The following CENPP variants were observed in gnomAD, a reference collection of about 807,000 sequenced individuals.
CENPP encodes the protein centromere protein P.
A neutral mutation model predicts 35.6 loss-of-function variants in CENPP; 24 were observed. The ratio of observed to expected loss-of-function variants is 0.67; its 90% CI spans 0.49 to 0.95. CENPP has a LOEUF of 0.95. CENPP is among the 40% of genes least tolerant of loss of function. The pLI is 0.00. For synonymous variants in CENPP, 120 were observed against 125.5 expected, an observed-to-expected ratio of 0.96 and a Z score of 0.29; for missense variants, 332 against 345.3, an observed-to-expected ratio of 0.96 and a Z score of 0.31.
chr9:92,589,319 C>T (rs893124491), intron 5 of CENPP, among the ~76,000 whole-genome samples: 8 of 151,328 alleles, frequency 5.3e-5, no homozygotes, highest in African/African-American at 1.9e-4. Flanking sequence ...GCACTCCAGC[C>T]TGGGAGACAG....
At chr9:92,403,189 A>T in intron 5 of CENPP, 1 of 1,316,756 alleles carries the variant, frequency 7.6e-7, no homozygotes, top group African/African-American at 1.5e-5. Context: ...ATGCATTTAA[A>T]TGGGCAGTAT....
chr9:92,362,218 T>TA (rs917795861), intron 4 of CENPP, among the ~76,000 whole-genome samples: 60 of 146,786 alleles, frequency 4.1e-4, no homozygotes, highest in African/African-American at 9.9e-4. Flanking sequence ...TTCAAAAAGT[T>TA]AAAAAAAAAA....
At chr9:92,422,194 GC>G (rs1843825493) in intron 5 of CENPP, among the ~76,000 whole-genome samples, 1 of 151,998 alleles carries the variant, frequency 6.6e-6, no homozygotes, top group Non-Finnish European at 1.5e-5. Context: ...GGGATTACAG[GC>G]GTGCACCACC....
chr9:92,337,623 A>G lies in CENPP; in HGVS notation c.372A>G (p.Glu124=). The G allele has an allele frequency of 6.4e-7, 1 of 1,567,268 alleles. No individual in the cohort carries two copies. Among genetic ancestry groups the G allele is most frequent in the Non-Finnish European group, 8.8e-7 (1 of 1,137,514 alleles). Residue 124 remains glutamate (E), a synonymous_variant, in exon 3 of 8, where the codon GAA becomes GAG. Coordinates refer to ENST00000375587, the MANE Select transcript of CENPP (RefSeq NM_001012267.3). ...TTCAACTTGAATTTCAGATTCTGGAAATTCAGGTAAATTAAGAAGCATGTT... is the reference window on the plus strand; with the variant it reads ...TTCAACTTGAATTTCAGATTCTGGAGATTCAGGTAAATTAAGAAGCATGTT... ...VTFQLEFQIL[E]IQNKERLSSA...
At chr9:92,561,061 G>A (rs1198653012) in intron 5 of CENPP, among the ~76,000 whole-genome samples, 1 of 151,808 alleles carries the variant, frequency 6.6e-6, no homozygotes, top group Non-Finnish European at 1.5e-5. Context: ...TCTCCCTCAT[G>A]ATCTGCTTCA....
At position 92,618,310 on chromosome 9, in the gene CENPP, C is replaced by T. The variant is rs1206139206; in HGVS notation, c.*5161C>T. On this transcript the variant is annotated 3_prime_UTR_variant, in exon 8 of 8. Transcript: ENST00000375587. ...TTCAGGACATGCCCTCCCCTCCCCT[C>T]CTAGTGTCGTTTCTGCTGAGCAGCT... is the stretch of plus-strand genomic sequence containing the variant. 3 of 456,646 alleles carry T rather than the reference C, an allele frequency of 6.6e-6. No homozygotes were observed. The highest frequency in any genetic ancestry group is 4.0e-5 in the African/African-American group (2 of 50,068). 28.3% of individuals were successfully genotyped at this position (456,646 alleles called of 1,614,324 possible).
At position 92,496,104 on chromosome 9, in the gene CENPP, T is replaced by C; in HGVS notation, c.565-115210T>C. The C allele has an allele frequency of 3.4e-6, 4 of 1,185,860 alleles. No homozygotes were observed. The South Asian group carries it at 8.0e-5, about 24-fold the overall frequency. The allele number at this position is 1,185,860 out of a possible 1,614,324, so 73.5% of individuals were successfully genotyped here. A position where few individuals can be genotyped will look rare whatever the true frequency, so the allele number is the denominator to read the frequency against. ...TGGCCTCTTTCTAGAGGTAGGAAAC[T>C]GAGAGATTTTACCTTTACTATTAAT... On this transcript the variant is annotated intron_variant, in intron 5 of 7. Coordinates refer to ENST00000375587, the MANE Select transcript of CENPP (RefSeq NM_001012267.3).
intron 5 of CENPP, among the ~76,000 whole-genome samples, chr9:92,592,243 G>T (rs763906746): frequency 6.6e-6 from 1 of 151,868 alleles, no homozygotes; most frequent in Non-Finnish European, 1.5e-5. Flanking sequence ...CCACCACTCC[G>T]ATCAGGAAAC....
At chr9:92,364,713 T>C (rs1477724152) in intron 4 of CENPP, among the ~76,000 whole-genome samples, 1 of 152,242 alleles carries the variant, frequency 6.6e-6, no homozygotes, top group Non-Finnish European at 1.5e-5. Flanking sequence ...TATTAGTCTC[T>C]AAGAATACAA....
At chr9:92,521,032 G>A (rs1485424980) in intron 5 of CENPP, among the ~76,000 whole-genome samples, 1 of 152,150 alleles carries the variant, frequency 6.6e-6, no homozygotes, top group Non-Finnish European at 1.5e-5. Context: ...TAGTGGTGAT[G>A]GTTGCACAAT....
intron 5 of CENPP, chr9:92,502,677 ATTTTTC>A (rs1463995632): frequency 6.6e-7 from 1 of 1,512,288 alleles, no homozygotes; most frequent in African/African-American, 1.4e-5. Flanking sequence ...GAAGACTATT[ATTTTTC>A]TTTTGTGTTA....
chr9:92,607,543 T>G (rs1470570216), intron 5 of CENPP, among the ~76,000 whole-genome samples: 1 of 152,206 alleles, frequency 6.6e-6, no homozygotes, highest in Non-Finnish European at 1.5e-5. Context: ...ATTATACACT[T>G]TAAAGGAATT....
At chr9:92,350,740 C>G (rs1235973186) in intron 4 of CENPP, among the ~76,000 whole-genome samples, 1 of 152,140 alleles carries the variant, frequency 6.6e-6, no homozygotes, top group Non-Finnish European at 1.5e-5. Flanking sequence ...TGACTTTTAA[C>G]ACATAATCTC....
rs370842875 is a variant in CENPP, at chr9:92,332,175, C to G, written c.113C>G (p.Ser38Cys). The change falls in exon 2 of 8, where the codon TCT becomes TGT. Residue 38 changes from serine (S) to cysteine (C), a missense_variant. Coordinates refer to ENST00000375587, the MANE Select transcript of CENPP (RefSeq NM_001012267.3). The stretch of plus-strand genomic sequence containing the variant: ...TTTTGATATTTGCCTTTTAGAAAAT[C>G]TTTTCAAGCCATACACCAATTCAAT... The part of the protein sequence containing the change: ...PWEEKSRVQK[S>C]FQAIHQFNLE... The G allele has an allele frequency of 6.4e-6, 10 of 1,574,518 alleles. No homozygotes were observed. Among genetic ancestry groups the G allele is most frequent in the Admixed American group, 3.9e-5 (2 of 50,834 alleles).
intron 5 of CENPP, among the ~76,000 whole-genome samples, chr9:92,596,467 AAAAG>A: frequency 6.7e-6 from 1 of 150,104 alleles, no homozygotes; most frequent in East Asian, 2.0e-4. Context: ...AAAAAAAAAA[AAAAG>A]AAAGAATAGA....
intron 5 of CENPP, among the ~76,000 whole-genome samples, chr9:92,608,185 T>C (rs1851134631): frequency 6.6e-6 from 1 of 152,158 alleles, no homozygotes; most frequent in African/African-American, 2.4e-5. Flanking sequence ...CTCAGGGGTG[T>C]GCAGGTCCCT....
chr9:92,562,457 C>T lies in CENPP; in HGVS notation c.565-48857C>T, dbSNP rs953939911. ...CTGACCTCAGGTGATCCACCTGCCT[C>T]GGCCTCCCAAAGTGCTGGGATTACA... is the stretch of plus-strand genomic sequence containing the variant. On this transcript the variant is annotated intron_variant, in intron 5 of 7. Transcript: ENST00000375587. Among the ~76,000 whole-genome samples, 20 of 152,088 alleles carry T rather than the reference C, an allele frequency of 1.3e-4. No homozygotes were observed. In the South Asian group the frequency reaches 2.9e-3, roughly 22 times the overall value.
Position 92,615,479 on chromosome 9 carries a change from G to A in CENPP, c.*2330G>A. ...AGTTTTCTATGTTAGGAGTCTGGTG[G>A]TAGCAGATCCAAACCTTGGGTCTTA... On this transcript the variant is annotated 3_prime_UTR_variant, in exon 8 of 8. Transcript: ENST00000375587. 4.6e-6 allele frequency: 1 copy of A among 217,144 alleles called. No individual in the cohort carries two copies. Among genetic ancestry groups the A allele is most frequent in the South Asian group, 8.1e-5 (1 of 12,402 alleles). The allele number at this position is 217,144 out of a possible 1,614,324, so 13.5% of individuals were successfully genotyped here. A position where few individuals can be genotyped will look rare whatever the true frequency, so the allele number is the denominator to read the frequency against.
intron 5 of CENPP, among the ~76,000 whole-genome samples, chr9:92,579,689 A>G (rs1850371080): frequency 1.3e-5 from 2 of 148,458 alleles, no homozygotes. Flanking sequence ...TATCAGCTTA[A>G]GGAGATTTTG....
Sources: allele counts gnomAD v4.1 joint callset (sites outside exome capture counted in the v4.1 genomes callset), GRCh38; gene constraint gnomAD v4.1.1; transcripts MANE v1.5; gene names NCBI Gene and HGNC (gene_info 2026-07-23, HGNC 2026-07-21).